The following AGPAT3 variants were observed in gnomAD, a reference collection of about 807,000 sequenced individuals.
The protein encoded by AGPAT3 is 1-acyl-sn-glycerol-3-phosphate acyltransferase gamma.
In AGPAT3, 5 loss-of-function variants were observed where a neutral mutation model predicts 47.3. The ratio of observed to expected loss-of-function variants is 0.11; its 90% CI spans 0.06 to 0.22. The LOEUF (loss-of-function observed/expected upper bound fraction) is 0.22, where lower values mean the gene tolerates loss of function less well. Ranked by LOEUF, AGPAT3 falls within the 10% of genes least tolerant of loss-of-function variation. The probability of loss-of-function intolerance (pLI) is 1.00; values close to 1 mark genes in which losing one functional copy is unlikely to be tolerated. For missense variants in AGPAT3, 315 were observed against 493.0 expected (o/e 0.64, Z 3.42); for synonymous variants, 212 against 208.3 (o/e 1.02, Z -0.15).
chr21:43,943,718 C>A (rs886746390), intron 2 of AGPAT3, among the ~76,000 whole-genome samples: 2 of 151,624 alleles, frequency 1.3e-5, no homozygotes, highest in Admixed American at 6.6e-5. Flanking sequence ...GCTGCACCCC[C>A]GGGAGGGGAG....
rs554076415 is a variant in AGPAT3, at chr21:43,977,148, C to T, written c.768-898C>T. ...AGTAGAGGTGTCAACTTGTGGGCTG[C>T]TAATCCATTTGGTAGATTAGCACTT... is the stretch of plus-strand genomic sequence containing the variant. On this transcript the variant is annotated intron_variant, in intron 7 of 9. Coordinates refer to ENST00000291572, the MANE Select transcript of AGPAT3 (RefSeq NM_020132.5). Among the ~76,000 whole-genome samples the T allele has an allele frequency of 1.6e-3, 250 of 152,252 alleles. 2 individuals are homozygous for T. Among genetic ancestry groups the T allele is most frequent in the Non-Finnish European group, 5.0e-4 (34 of 68,022 alleles).
intron 3 of AGPAT3, chr21:43,966,094 T>C (rs2089111038): frequency 1.3e-5 from 2 of 152,256 alleles, no homozygotes; most frequent in Admixed American, 1.3e-4. Flanking sequence ...TGTCTGCAGT[T>C]AGCCAGCGTC....
At chr21:43,966,683 T>C (rs1483081824) in intron 3 of AGPAT3, 1 of 152,242 alleles carries the variant, frequency 6.6e-6, no homozygotes, top group Non-Finnish European at 1.5e-5. Context: ...GGCCCTTTGT[T>C]CACCCGTGCA....
At chr21:43,961,463 C>T (rs1479127725) in intron 3 of AGPAT3, among the ~76,000 whole-genome samples, 4 of 149,426 alleles carry the variant, frequency 2.7e-5, no homozygotes, top group Non-Finnish European at 3.0e-5. Context: ...AGGGTGAGCA[C>T]GTAGACACTT....
intron 3 of AGPAT3, among the ~76,000 whole-genome samples, chr21:43,960,459 C>A (rs559056830): frequency 6.6e-6 from 1 of 152,154 alleles, no homozygotes; most frequent in Non-Finnish European, 1.5e-5. Context: ...CATGAACAGG[C>A]GCATCTCTGG....
chr21:43,924,548 A>G (rs1569067283), intron 2 of AGPAT3, among the ~76,000 whole-genome samples: 1 of 152,182 alleles, frequency 6.6e-6, no homozygotes, highest in Non-Finnish European at 1.5e-5. Context: ...CAGCAGATCC[A>G]TCTTCCTCCT....
rs557494803 is a variant in AGPAT3, at chr21:43,926,636, CTTTTTTTTTTTTT to C, written c.-49+22634_-49+22646del. 7.5e-3 allele frequency among the ~76,000 whole-genome samples: 649 copies of C among 86,544 alleles called. 7 individuals are homozygous for C. The highest frequency in any genetic ancestry group is 0.057 in the Middle Eastern group (7 of 122). 56.8% of individuals were successfully genotyped at this position (86,544 alleles called of 152,430 possible). ...GGTAGCTTCCGTGAGCTACGCTGGC[CTTTTTTTTTTTTT>C]TTTTTTTTTTTTTTTTAATAAAAAG... On this transcript the variant is annotated intron_variant, in intron 2 of 9. Coordinates refer to ENST00000291572, the MANE Select transcript of AGPAT3 (RefSeq NM_020132.5).
intron 1 of AGPAT3, among the ~76,000 whole-genome samples, chr21:43,883,001 G>A (rs2085887986): frequency 1.3e-5 from 2 of 152,254 alleles, no homozygotes; most frequent in Admixed American, 1.3e-4. Context: ...AGGCCTGGAA[G>A]GCAGGAGAGA....
chr21:43,978,458 A>T (rs1273840070), intron 8 of AGPAT3, among the ~76,000 whole-genome samples: 1 of 152,176 alleles, frequency 6.6e-6, no homozygotes, highest in African/African-American at 2.4e-5. Flanking sequence ...GCAAGCCACC[A>T]TATTCAGCTA....
intron 7 of AGPAT3, among the ~76,000 whole-genome samples, chr21:43,977,527 C>G (rs1354896511): frequency 6.6e-6 from 1 of 152,202 alleles, no homozygotes; most frequent in African/African-American, 2.4e-5. Context: ...GCCACGCTGA[C>G]TGTGTACTCA....
Position 43,914,118 on chromosome 21 carries a change from T to A in AGPAT3, c.-49+10099T>A, listed in dbSNP as rs76081237. 8.9e-3 allele frequency among the ~76,000 whole-genome samples: 1,355 copies of A among 152,292 alleles called. 25 individuals are homozygous for A. Among genetic ancestry groups the A allele is most frequent in the African/African-American group, 0.031 (1,275 of 41,560 alleles). ...TCTGCAGGCAGCCTGTTGCTCTGTGTCGTGGTTGAGGCTCATAAAGAAAAT... is the reference window on the plus strand; with the variant it reads ...TCTGCAGGCAGCCTGTTGCTCTGTGACGTGGTTGAGGCTCATAAAGAAAAT... On this transcript the variant is annotated intron_variant, in intron 2 of 9. Coordinates refer to ENST00000291572, the MANE Select transcript of AGPAT3 (RefSeq NM_020132.5).
At chr21:43,884,185 GTC>G (rs543708023) in intron 1 of AGPAT3, among the ~76,000 whole-genome samples, 1 of 152,104 alleles carries the variant, frequency 6.6e-6, no homozygotes, top group Non-Finnish European at 1.5e-5. Context: ...CTGGAGGCCT[GTC>G]GAAAGTGTAG....
intron 2 of AGPAT3, among the ~76,000 whole-genome samples, chr21:43,956,968 C>T (rs574046427): frequency 6.6e-6 from 1 of 152,318 alleles, no homozygotes; most frequent in Admixed American, 6.5e-5. Flanking sequence ...GGAAGAAGAC[C>T]CCTCCACCTT....
intron 2 of AGPAT3, among the ~76,000 whole-genome samples, chr21:43,945,899 GC>G (rs2087864174): frequency 1.3e-5 from 2 of 152,108 alleles, no homozygotes; most frequent in African/African-American, 2.4e-5. Flanking sequence ...TCATCCCCAG[GC>G]AGCCCTGTGG....
chr21:43,980,347 G>C (rs2089801507), intron 8 of AGPAT3, among the ~76,000 whole-genome samples: 1 of 151,238 alleles, frequency 6.6e-6, no homozygotes, highest in African/African-American at 2.4e-5. Context: ...GCATCCTAGA[G>C]TCCCACGGGC....
At position 43,967,931 on chromosome 21, in the gene AGPAT3, T is replaced by A; in HGVS notation, c.179-15T>A. On this transcript the variant is annotated splice_polypyrimidine_tract_variant and intron_variant, in intron 3 of 9. Transcript: ENST00000291572. ...AGGGGTCCTACCAGTGCCAACGCCCTCCCCCTGTCCGCAGAACTGGTCATG... is the reference window on the plus strand; with the variant it reads ...AGGGGTCCTACCAGTGCCAACGCCCACCCCCTGTCCGCAGAACTGGTCATG... 1.9e-6 allele frequency: 3 copies of A among 1,611,022 alleles called. No homozygotes were observed. Among genetic ancestry groups the A allele is most frequent in the Non-Finnish European group, 1.7e-6 (2 of 1,178,090 alleles).
At chr21:43,878,554 A>G (rs974999648) in intron 1 of AGPAT3, among the ~76,000 whole-genome samples, 75 of 152,278 alleles carry the variant, frequency 4.9e-4, no homozygotes, top group Admixed American at 1.1e-3. Flanking sequence ...TCTCTAGTCA[A>G]TGTCTTGAAG....
At chr21:43,978,600 C>T (rs1416447898) in intron 8 of AGPAT3, among the ~76,000 whole-genome samples, 1 of 152,272 alleles carries the variant, frequency 6.6e-6, no homozygotes, top group African/African-American at 2.4e-5. Context: ...TGAGCCACCA[C>T]ACCTGGTCCC....
chr21:43,972,466 T>G (rs2089437219), intron 7 of AGPAT3, among the ~76,000 whole-genome samples: 1 of 152,156 alleles, frequency 6.6e-6, no homozygotes, highest in African/African-American at 2.4e-5. Flanking sequence ...TTTCAAACCC[T>G]GTCTTGAGAG....
Sources: allele counts gnomAD v4.1 joint callset (sites outside exome capture counted in the v4.1 genomes callset), GRCh38; gene constraint gnomAD v4.1.1; transcripts MANE v1.5; gene names NCBI Gene and HGNC (gene_info 2026-07-23, HGNC 2026-07-21).